MSH3: variants seen among roughly 807,000 people sequenced by gnomAD.
MSH3 encodes DNA mismatch repair protein Msh3.
A neutral mutation model predicts 123.3 loss-of-function variants in MSH3; 106 were observed. That is an observed-to-expected ratio of 0.86 (90% CI 0.73 to 1.01). The LOEUF (loss-of-function observed/expected upper bound fraction) is 1.01, where lower values mean the gene tolerates loss of function less well. MSH3 is among the 50% of genes least tolerant of loss of function. MSH3 has a pLI of 0.00. For missense variants in MSH3, 1,459 were observed against 1,347.6 expected (o/e 1.08, Z -1.29); for synonymous variants, 515 against 481.4 (o/e 1.07, Z -0.91).
chr5:80,850,355 C>T (rs753585948), intron 20 of MSH3, among the ~76,000 whole-genome samples: 2 of 152,120 alleles, frequency 1.3e-5, no homozygotes, highest in Non-Finnish European at 2.9e-5. Flanking sequence ...AGTATCTTTC[C>T]AGCAACACCC....
intron 10 of MSH3, among the ~76,000 whole-genome samples, chr5:80,734,265 A>G (rs1482305148): frequency 6.6e-6 from 1 of 152,212 alleles, no homozygotes; most frequent in Non-Finnish European, 1.5e-5. Flanking sequence ...CATAGAGAGA[A>G]AGTAGATTAG....
chr5:80,839,766 A>T (rs1282904086), intron 20 of MSH3, among the ~76,000 whole-genome samples: 1 of 152,196 alleles, frequency 6.6e-6, no homozygotes, highest in African/African-American at 2.4e-5. Context: ...ACACAATAAA[A>T]TACTTTCAAA....
chr5:80,849,698 C>T (rs919169767), intron 20 of MSH3, among the ~76,000 whole-genome samples: 5 of 152,072 alleles, frequency 3.3e-5, no homozygotes, highest in African/African-American at 4.8e-5. Flanking sequence ...CTACACACAG[C>T]GGGGGTCTAC....
At position 80,854,281 on chromosome 5, in the gene MSH3, A is replaced by G. The variant is rs751007341; in HGVS notation, c.2965A>G (p.Ile989Val). 3.7e-6 allele frequency: 6 copies of G among 1,613,892 alleles called. No homozygotes were observed. Among genetic ancestry groups the G allele is most frequent in the African/African-American group, 2.7e-5 (2 of 74,944 alleles). The change falls in exon 21 of 24, where the codon ATT becomes GTT. Residue 989 changes from isoleucine to valine, a missense_variant. By Grantham distance (29) the Ile-to-Val change is conservative (BLOSUM62 3). Coordinates refer to ENST00000265081, the MANE Select transcript of MSH3 (RefSeq NM_002439.5). ...GACGAGCACTCATGATGGAATTGCC[A>G]TTGCCTATGCTACACTTGAGTATTT... is the stretch of plus-strand genomic sequence containing the variant. ...RGTSTHDGIA[I>V]AYATLEYFIR...
chr5:80,809,402 T>TG (rs1744967235), intron 19 of MSH3, among the ~76,000 whole-genome samples: 1 of 152,160 alleles, frequency 6.6e-6, no homozygotes, highest in African/African-American at 2.4e-5. Context: ...TCTTATTGTG[T>TG]GAAAAAGCCA....
intron 8 of MSH3, among the ~76,000 whole-genome samples, chr5:80,680,893 AT>A (rs1287972764): frequency 6.6e-6 from 1 of 151,966 alleles, no homozygotes; most frequent in African/African-American, 2.4e-5. Context: ...TATTATATTC[AT>A]TTTTCCAGTA....
Position 80,658,035 on chromosome 5 carries a change from C to CCCTTTTTTTTTT in MSH3, c.358+1504_358+1505insCCTTTTTTTTTT, listed in dbSNP as rs369384745. Among the ~76,000 whole-genome samples the CCCTTTTTTTTTT allele has an allele frequency of 3.4e-5, 3 of 87,216 alleles. 1 individual carries two copies. Among genetic ancestry groups the CCCTTTTTTTTTT allele is most frequent in the East Asian group, 5.1e-4 (1 of 1,956 alleles). The allele number at this position is 87,216 out of a possible 152,430, so 57.2% of individuals were successfully genotyped here. On this transcript the variant is annotated intron_variant, in intron 2 of 23. Coordinates refer to ENST00000265081, the MANE Select transcript of MSH3 (RefSeq NM_002439.5). ...ATTTTTCCTAAGAATGCTTTTTGCC[C>CCCTTTTTTTTTT]TCTTTTTTTTTTTTTGAGATAGGGT...
intron 22 of MSH3, among the ~76,000 whole-genome samples, chr5:80,869,979 G>A (rs917752014): frequency 2.6e-5 from 4 of 151,048 alleles, no homozygotes; most frequent in Admixed American, 1.3e-4. Context: ...TTCAAGACCA[G>A]CCTGACCAAC....
intron 8 of MSH3, among the ~76,000 whole-genome samples, chr5:80,718,407 TG>T (rs1199912470): frequency 2.6e-5 from 4 of 152,106 alleles, no homozygotes; most frequent in African/African-American, 9.7e-5. Flanking sequence ...TGCATACCAC[TG>T]TGTCTGACTT....
intron 11 of MSH3, among the ~76,000 whole-genome samples, chr5:80,741,941 T>TGTAAA (rs1453192356): frequency 7.0e-4 from 1 of 1,426 alleles, no homozygotes; most frequent in Non-Finnish European, 1.0e-3. Context: ...TTATTCAGGT[T>TGTAAA]ATAGGTTTCT....
intron 8 of MSH3, among the ~76,000 whole-genome samples, chr5:80,718,931 T>A (rs1426373855): frequency 6.6e-6 from 1 of 152,216 alleles, no homozygotes; most frequent in African/African-American, 2.4e-5. Context: ...TAGTAATCTT[T>A]AGTAGCTTTT....
chr5:80,817,596 A>C (rs767816906), intron 20 of MSH3, among the ~76,000 whole-genome samples: 2 of 152,176 alleles, frequency 1.3e-5, no homozygotes, highest in Non-Finnish European at 2.9e-5. Flanking sequence ...TCACCTTTGG[A>C]GGATCCTAGA....
chr5:80,844,998 A>G (rs191713176), intron 20 of MSH3, among the ~76,000 whole-genome samples: 12 of 152,276 alleles, frequency 7.9e-5, no homozygotes, highest in African/African-American at 2.4e-4. Flanking sequence ...CATAGCGTCA[A>G]TGGTCTTTAC....
chr5:80,789,347 A>G (rs1043914730), intron 18 of MSH3, among the ~76,000 whole-genome samples: 7 of 151,344 alleles, frequency 4.6e-5, no homozygotes, highest in African/African-American at 1.5e-4. Context: ...CAAAGTATTT[A>G]CTCAGAAGAC....
At chr5:80,719,930 C>T (rs6151715) in intron 8 of MSH3, among the ~76,000 whole-genome samples, 4,156 of 152,306 alleles carry the variant, frequency 0.027, 76 homozygotes, top group Middle Eastern at 0.044. Context: ...GCCTCACTGG[C>T]AGGTTCTCTG....
chr5:80,823,105 C>T (rs1467983760), intron 20 of MSH3, among the ~76,000 whole-genome samples: 6 of 152,164 alleles, frequency 3.9e-5, no homozygotes, highest in Admixed American at 3.9e-4. Context: ...GCCTGGCATT[C>T]ATTTCACTTT....
intron 20 of MSH3, among the ~76,000 whole-genome samples, chr5:80,824,807 C>T (rs938119710): frequency 2.0e-5 from 3 of 152,174 alleles, no homozygotes; most frequent in Admixed American, 2.0e-4. Context: ...ACATATTTCT[C>T]TATCAGTTTA....
intron 21 of MSH3, among the ~76,000 whole-genome samples, chr5:80,864,590 T>C (rs1016178621): frequency 6.6e-6 from 1 of 152,124 alleles, no homozygotes; most frequent in African/African-American, 2.4e-5. Flanking sequence ...TCTCAGATGG[T>C]TCAGGAAAAA....
intron 12 of MSH3, chr5:80,746,223 C>T (rs547212704): frequency 3.6e-5 from 9 of 250,264 alleles, no homozygotes; most frequent in Admixed American, 2.2e-4. Context: ...TCTGCTCATA[C>T]GATTGATTTG....
Sources: allele counts gnomAD v4.1 joint callset (sites outside exome capture counted in the v4.1 genomes callset), GRCh38; gene constraint gnomAD v4.1.1; transcripts MANE v1.5; gene names NCBI Gene and HGNC (gene_info 2026-07-23, HGNC 2026-07-21).